Variants in LINGO2 observed in about 807,000 individuals in gnomAD.
LINGO2 encodes leucine-rich repeat and immunoglobulin-like domain-containing nogo receptor-interacting protein 2.
LINGO2 carries 14 observed loss-of-function variants against 30.6 expected under a neutral mutation model. The observed-to-expected ratio is 0.46, with a 90% CI of 0.30 to 0.72. The LOEUF (loss-of-function observed/expected upper bound fraction) is 0.72. LINGO2 is among the 30% of genes least tolerant of loss of function. The pLI is 0.07. For missense variants in LINGO2, 729 were observed against 751.7 expected (o/e 0.97, Z 0.35); for synonymous variants, 317 against 288.5 (o/e 1.10, Z -1.00).
At chr9:28,437,748 T>C (rs1824012508) in intron 2 of LINGO2, among the ~76,000 whole-genome samples, 1 of 152,030 alleles carries the variant, frequency 6.6e-6, no homozygotes, top group Admixed American at 6.6e-5. Flanking sequence ...CTTGAGCCTA[T>C]AGAAAGATAG....
At chr9:28,142,036 G>A (rs1827686059) in intron 4 of LINGO2, among the ~76,000 whole-genome samples, 1 of 152,172 alleles carries the variant, frequency 6.6e-6, no homozygotes, top group South Asian at 2.1e-4. Context: ...ATGTGACCAA[G>A]TAGAATTTCA....
chr9:28,854,606 T>A, the LINGO2 span, among the ~76,000 whole-genome samples: 1 of 151,982 alleles, frequency 6.6e-6, no homozygotes, highest in Admixed American at 6.6e-5. Context: ...AATATATAGA[T>A]AAGAATAAAG....
the LINGO2 span, among the ~76,000 whole-genome samples, chr9:29,151,362 A>C: frequency 1.3e-5 from 2 of 152,314 alleles, no homozygotes; most frequent in South Asian, 4.1e-4. Context: ...TCTACAAAAC[A>C]ACCACCTAAC....
chr9:28,373,151 G>A (rs1820971047), intron 2 of LINGO2, among the ~76,000 whole-genome samples: 1 of 152,088 alleles, frequency 6.6e-6, no homozygotes, highest in Admixed American at 6.5e-5. Flanking sequence ...AAAATGCAGA[G>A]GGGATGTTTA....
intron 5 of LINGO2, among the ~76,000 whole-genome samples, chr9:27,974,346 T>C (rs763558428): frequency 1.3e-5 from 2 of 152,172 alleles, no homozygotes; most frequent in Non-Finnish European, 2.9e-5. Flanking sequence ...CACTGTCTTA[T>C]CAGCGGTCAT....
At chr9:28,359,810 C>T (rs1277197075) in intron 3 of LINGO2, among the ~76,000 whole-genome samples, 1 of 152,152 alleles carries the variant, frequency 6.6e-6, no homozygotes, top group Admixed American at 6.5e-5. Flanking sequence ...AATTGCTTGA[C>T]TTTGCAGGCA....
intron 4 of LINGO2, among the ~76,000 whole-genome samples, chr9:28,184,541 G>A (rs1336462304): frequency 6.7e-6 from 1 of 150,028 alleles, no homozygotes; most frequent in Non-Finnish European, 1.5e-5. Flanking sequence ...GGGAGAGAGA[G>A]AGAAAAAGAA....
At chr9:28,266,972 T>C (rs988124518) in intron 4 of LINGO2, among the ~76,000 whole-genome samples, 6 of 151,962 alleles carry the variant, frequency 3.9e-5, no homozygotes, top group Admixed American at 6.6e-5. Flanking sequence ...GTCACCAAAG[T>C]ACAGAGGAAA....
rs563428111 is a variant in LINGO2, at chr9:28,186,841, G to T, written c.-87+108367C>A. 2.6e-5 allele frequency among the ~76,000 whole-genome samples: 4 copies of T among 152,226 alleles called. No individual in the cohort carries two copies. In the East Asian group the frequency reaches 5.8e-4, roughly 22 times the overall value. Reference sequence around the variant, plus strand: ...TGCCGGAGCAGATCAGCAAGGAGAAGTGTAGTAGCATATATGATCAGAGAA... The same window carrying T: ...TGCCGGAGCAGATCAGCAAGGAGAATTGTAGTAGCATATATGATCAGAGAA... On this transcript the variant is annotated intron_variant, in intron 4 of 5. Coordinates refer to ENST00000379992, the Ensembl canonical transcript of LINGO2.
At chr9:28,026,937 G>C (rs1244039125) in intron 4 of LINGO2, among the ~76,000 whole-genome samples, 2 of 152,098 alleles carry the variant, frequency 1.3e-5, no homozygotes, top group East Asian at 1.9e-4. Context: ...TGTGTGTGTT[G>C]CTCACCTCTC....
intron 4 of LINGO2, among the ~76,000 whole-genome samples, chr9:28,093,228 G>A (rs1012000944): frequency 6.6e-6 from 1 of 152,016 alleles, no homozygotes; most frequent in Non-Finnish European, 1.5e-5. Context: ...TATACAGTGC[G>A]TTTTTCTCCA....
intron 4 of LINGO2, among the ~76,000 whole-genome samples, chr9:28,015,954 A>C (rs1407874545): frequency 6.7e-6 from 1 of 150,266 alleles, no homozygotes; most frequent in Non-Finnish European, 1.5e-5. Context: ...ATATTTAATG[A>C]GAAACTGTGC....
intron 1 of LINGO2, among the ~76,000 whole-genome samples, chr9:28,639,401 T>C (rs1397481693): frequency 6.6e-6 from 1 of 152,120 alleles, no homozygotes; most frequent in Non-Finnish European, 1.5e-5. Context: ...CATTGATCTG[T>C]CTAATGTTGA....
chr9:28,623,843 C>A (rs1380923154), intron 1 of LINGO2, among the ~76,000 whole-genome samples: 2 of 151,922 alleles, frequency 1.3e-5, no homozygotes, highest in Non-Finnish European at 2.9e-5. Context: ...AAAATCATTC[C>A]ATTTTTTGTA....
intron 4 of LINGO2, among the ~76,000 whole-genome samples, chr9:28,020,759 T>C (rs1029146895): frequency 2.0e-5 from 3 of 152,140 alleles, no homozygotes; most frequent in African/African-American, 7.2e-5. Flanking sequence ...TTTCTCCCTG[T>C]TTTGGTAGTT....
Position 28,241,224 on chromosome 9 carries a change from G to C in LINGO2, c.-87+53984C>G, listed in dbSNP as rs112545356. Among the ~76,000 whole-genome samples the C allele has an allele frequency of 6.3e-3, 870 of 138,970 alleles. 7 individuals carry two copies. Among genetic ancestry groups the C allele is most frequent in the African/African-American group, 0.021 (785 of 37,094 alleles). 91.2% of individuals were successfully genotyped at this position (138,970 alleles called of 152,430 possible). A position where few individuals can be genotyped will look rare whatever the true frequency, so the allele number is the denominator to read the frequency against. ...GTGGAAACTGCAGTGAGCTGAGATCGTGCCACTGCACTCCAGCCTGGTGAC... is the reference window on the plus strand; with the variant it reads ...GTGGAAACTGCAGTGAGCTGAGATCCTGCCACTGCACTCCAGCCTGGTGAC... On this transcript the variant is annotated intron_variant, in intron 4 of 5. Transcript: ENST00000379992.
intron 2 of LINGO2, among the ~76,000 whole-genome samples, chr9:28,404,226 G>C (rs964221540): frequency 1.3e-5 from 2 of 151,904 alleles, no homozygotes; most frequent in African/African-American, 4.8e-5. Flanking sequence ...ATGCTAATAA[G>C]TAAGCTTTCT....
At chr9:28,021,711 G>A (rs1368259584) in intron 4 of LINGO2, among the ~76,000 whole-genome samples, 2 of 152,000 alleles carry the variant, frequency 1.3e-5, no homozygotes, top group African/African-American at 4.8e-5. Context: ...ATGTACTCTT[G>A]GAGAACTGAC....
At chr9:29,180,068 A>G in the LINGO2 span, among the ~76,000 whole-genome samples, 1 of 152,356 alleles carries the variant, frequency 6.6e-6, no homozygotes, top group South Asian at 2.1e-4. Flanking sequence ...GGAGGAAGGC[A>G]GCAGTAAAGA....
Sources: gnomAD v4.1 joint callset for allele counts (sites outside exome capture counted in the v4.1 genomes callset) on GRCh38, gnomAD v4.1.1 for gene constraint, MANE v1.5 for transcripts, NCBI Gene and HGNC (gene_info 2026-07-23, HGNC 2026-07-21) for gene names.